The following PAFAH2 variants were observed in gnomAD, a reference collection of about 807,000 sequenced individuals.
The protein encoded by PAFAH2 is platelet-activating factor acetylhydrolase 2, cytoplasmic.
A neutral mutation model predicts 49.0 loss-of-function variants in PAFAH2; 42 were observed. That is an observed-to-expected ratio of 0.86 (90% CI 0.67 to 1.11). The LOEUF (loss-of-function observed/expected upper bound fraction) is 1.11. Among genes scored for constraint, PAFAH2 ranks in the 50% least tolerant of loss-of-function variants. PAFAH2 has a pLI of 0.00. For synonymous variants in PAFAH2, 184 were observed against 181.3 expected, an observed-to-expected ratio of 1.01 and a Z score of -0.12; for missense variants, 503 against 501.8, an observed-to-expected ratio of 1.00 and a Z score of -0.02.
rs766539153 is a variant in PAFAH2 at position 25,974,543 on chromosome 1, TC to T, written c.865del (p.Glu289ArgfsTer5). Reference protein sequence around the residue: ...FINTEKFQTMESVNLMKKICA... With the variant: ...FINTEKFQTMXSVNLMKKICA... ...TATCTTCTTCATCAAATTGACACTCTCCATTGTCTGGAATTTCTCAGTATTG... is the reference window on the plus strand; with the variant it reads ...TATCTTCTTCATCAAATTGACACTCTCATTGTCTGGAATTTCTCAGTATTG... On this transcript the variant is annotated frameshift_variant, in exon 9 of 11. Coordinates refer to ENST00000374282, the MANE Select transcript of PAFAH2 (RefSeq NM_000437.4). LOFTEE classifies it high-confidence loss of function. 37 of 1,613,958 alleles carry T rather than the reference TC, an allele frequency of 2.3e-5. No individual in the cohort carries two copies. Among genetic ancestry groups the T allele is most frequent in the Non-Finnish European group, 2.8e-5 (33 of 1,179,972 alleles).
intron 7 of PAFAH2, among the ~76,000 whole-genome samples, chr1:25,980,609 A>ATT (rs377523108): frequency 0.037 from 4,750 of 129,092 alleles, 203 homozygotes; most frequent in African/African-American, 0.11. Flanking sequence ...ACTGGGCCAT[A>ATT]TTTATATATA....
intron 9 of PAFAH2, 91 bp downstream of exon 9, chr1:25,974,389 T>C: frequency 1.9e-6 from 2 of 1,071,286 alleles, no homozygotes; most frequent in East Asian, 2.7e-5. Flanking sequence ...TACTAATGGG[T>C]AGAAAGTTTT....
At chr1:25,988,183 G>T in intron 4 of PAFAH2, 48 bp downstream of exon 4, 1 of 1,214,704 alleles carries the variant, frequency 8.2e-7, no homozygotes, top group Non-Finnish European at 1.2e-6. Flanking sequence ...CTCAGCAGCT[G>T]TCACCAGGCA....
chr1:25,981,369 A>G (rs1173883343), intron 7 of PAFAH2, among the ~76,000 whole-genome samples: 2 of 151,518 alleles, frequency 1.3e-5, no homozygotes, highest in Admixed American at 1.3e-4. Context: ...AATTATGGAG[A>G]AAAAAAGATT....
At chr1:25,982,555 AG>A in intron 6 of PAFAH2, 78 bp from the exon 7 acceptor site, 1 of 1,129,332 alleles carries the variant, frequency 8.9e-7, no homozygotes, top group East Asian at 2.5e-5. Flanking sequence ...TACAGAGCCA[AG>A]GAAGAATGCA....
intron 4 of PAFAH2, among the ~76,000 whole-genome samples, chr1:25,985,763 T>C (rs573903148): frequency 2.0e-4 from 31 of 152,360 alleles, no homozygotes; most frequent in Non-Finnish European, 3.7e-4. Flanking sequence ...CCTTTCTAAC[T>C]TCATCTCCAT....
chr1:25,994,369 G>A (rs2049912671), intron 1 of PAFAH2, among the ~76,000 whole-genome samples: 1 of 152,168 alleles, frequency 6.6e-6, no homozygotes, highest in South Asian at 2.1e-4. Context: ...GGGCTCAAGC[G>A]ATAATCCTGC....
rs34555067 is a variant in PAFAH2, at chr1:25,990,775, T to C, written c.42A>G (p.Gly14=). The change falls in exon 2 of 11, where the codon GGA becomes GGG. Residue 14 remains glycine, a synonymous_variant. Coordinates refer to ENST00000374282, the MANE Select transcript of PAFAH2 (RefSeq NM_000437.4). ...CATCCCCACAGCCTACGAGGTGGGGTCCTGTGACAGGTGGAAAGCCCACAG... is the reference window on the plus strand; with the variant it reads ...CATCCCCACAGCCTACGAGGTGGGGCCCTGTGACAGGTGGAAAGCCCACAG... The part of the protein sequence containing the change: ...NQSVGFPPVT[G]PHLVGCGDVM... 3,021 of 1,613,806 alleles carry C rather than the reference T, an allele frequency of 1.9e-3. 47 individuals carry two copies. The African/African-American group carries it at 0.036, about 19-fold the overall frequency.
chr1:25,995,905 T>C (rs766298681), intron 1 of PAFAH2, among the ~76,000 whole-genome samples: 2 of 152,242 alleles, frequency 1.3e-5, no homozygotes, highest in Non-Finnish European at 2.9e-5. Context: ...TCAAGTCTTC[T>C]TTAATCTTTG....
intron 10 of PAFAH2, 91 bp downstream of exon 10, chr1:25,972,467 C>A: frequency 7.1e-7 from 1 of 1,400,206 alleles, no homozygotes; most frequent in Non-Finnish European, 9.8e-7. Context: ...AATCTCCTTC[C>A]CAGATCCCAG....
At chr1:25,989,056 G>C (rs568875401) in intron 3 of PAFAH2, among the ~76,000 whole-genome samples, 2 of 152,176 alleles carry the variant, frequency 1.3e-5, no homozygotes, top group East Asian at 3.9e-4. Flanking sequence ...ACAATAGCTG[G>C]CACAGAGTAG....
chr1:25,988,548 C>G (rs1305390316), intron 3 of PAFAH2, among the ~76,000 whole-genome samples: 1 of 151,968 alleles, frequency 6.6e-6, no homozygotes, highest in Admixed American at 6.6e-5. Context: ...GGCGCAGTGG[C>G]TCACGCCTGT....
At chr1:25,983,096 G>C (rs986992326) in intron 6 of PAFAH2, among the ~76,000 whole-genome samples, 1 of 152,114 alleles carries the variant, frequency 6.6e-6, no homozygotes, top group Admixed American at 6.6e-5. Flanking sequence ...GAGCTGTCAA[G>C]AGCTGTGGTT....
intron 2 of PAFAH2, 42 bp from the exon 3 acceptor site, chr1:25,989,643 A>C (rs754783400): frequency 5.0e-6 from 7 of 1,412,020 alleles, no homozygotes; most frequent in South Asian, 1.6e-5. Flanking sequence ...CAAGGAGCCC[A>C]GGCTAGATTT....
At chr1:25,995,465 C>T (rs892203986) in intron 1 of PAFAH2, among the ~76,000 whole-genome samples, 5 of 152,056 alleles carry the variant, frequency 3.3e-5, no homozygotes, top group African/African-American at 1.2e-4. Flanking sequence ...TAAAAGCTTC[C>T]CAGGTGTTTC....
Position 25,984,509 on chromosome 1 carries a change from A to G in PAFAH2, c.361T>C (p.Cys121Arg), listed in dbSNP as rs760781848. Residue 121 changes from cysteine (C) to arginine (R), a missense_variant, in exon 5 of 11, where the codon TGC (cysteine) becomes CGC (arginine). Transcript: ENST00000374282. ...AAGCCACGTGAGGCCAGCTCCATGCAGAAGGCTGAATACAAAGTCCTGGAG... is the reference window on the plus strand; with the variant it reads ...AAGCCACGTGAGGCCAGCTCCATGCGGAAGGCTGAATACAAAGTCCTGGAG... ...GAFRTLYSAF[C>R]MELASRGFVV... 2 of 1,613,898 alleles carry G rather than the reference A, an allele frequency of 1.2e-6. No individual in the cohort carries two copies. Among genetic ancestry groups the G allele is most frequent in the East Asian group, 2.2e-5 (1 of 44,864 alleles).
intron 2 of PAFAH2, among the ~76,000 whole-genome samples, chr1:25,990,486 G>GC (rs1190457120): frequency 2.6e-5 from 4 of 152,252 alleles, no homozygotes; most frequent in African/African-American, 9.6e-5. Context: ...TAAAGCTAGA[G>GC]TCCCCCCTTT....
chr1:25,972,475 C>A, intron 10 of PAFAH2, 83 bp downstream of exon 10: 1 of 1,440,320 alleles, frequency 6.9e-7, no homozygotes, highest in African/African-American at 1.4e-5. Context: ...TCCCAGATCC[C>A]AGACATGTCA....
chr1:25,977,059 G>T lies in PAFAH2; in HGVS notation c.667-286C>A, dbSNP rs11247837. On this transcript the variant is annotated intron_variant, in intron 7 of 10. Coordinates refer to ENST00000374282, the MANE Select transcript of PAFAH2 (RefSeq NM_000437.4). ...TTTTTTTGAGACGGAGTCTCGCTCTGTCGCCCAGGCTGGAGTGCAGTGGCG... is the reference window on the plus strand; with the variant it reads ...TTTTTTTGAGACGGAGTCTCGCTCTTTCGCCCAGGCTGGAGTGCAGTGGCG... Among the ~76,000 whole-genome samples the T allele has an allele frequency of 3.1e-5, 4 of 129,260 alleles. No homozygotes were observed. In the South Asian group the frequency reaches 1.0e-3, roughly 34 times the overall value. The allele number at this position is 129,260 out of a possible 152,430, so 84.8% of individuals were successfully genotyped here. A position where few individuals can be genotyped will look rare whatever the true frequency, so the allele number is the denominator to read the frequency against.
Sources: gnomAD v4.1 joint callset for allele counts (sites outside exome capture counted in the v4.1 genomes callset) on GRCh38, gnomAD v4.1.1 for gene constraint, MANE v1.5 for transcripts, NCBI Gene and HGNC (gene_info 2026-07-23, HGNC 2026-07-21) for gene names.